COL25A1: variants seen among roughly 807,000 people sequenced by gnomAD.
The protein encoded by COL25A1 is collagen type XXV alpha 1 chain.
In COL25A1, 103 loss-of-function variants were observed where a neutral mutation model predicts 128.4. That is an observed-to-expected ratio of 0.80 (90% confidence interval 0.68 to 0.94). The LOEUF is 0.94. COL25A1 is among the 40% of genes least tolerant of loss of function. COL25A1 has a pLI of 0.00. For missense variants in COL25A1, 745 were observed against 840.0 expected, an observed-to-expected ratio of 0.89 and a Z score of 1.40; for synonymous variants, 279 against 277.2, an observed-to-expected ratio of 1.01 and a Z score of -0.06.
chr4:109,293,971 T>C (rs1724720813), intron 3 of COL25A1, among the ~76,000 whole-genome samples: 1 of 152,156 alleles, frequency 6.6e-6, no homozygotes, highest in Admixed American at 6.6e-5. Flanking sequence ...TTAAACTTCA[T>C]ATCTGTGAAT....
chr4:109,087,363 C>A (rs1017164661), intron 3 of COL25A1, among the ~76,000 whole-genome samples: 1 of 152,120 alleles, frequency 6.6e-6, no homozygotes, highest in Non-Finnish European at 1.5e-5. Context: ...ACCTAAAACA[C>A]AGAAATTTAA....
chr4:109,203,464 A>C (rs1480931163), intron 3 of COL25A1, among the ~76,000 whole-genome samples: 1 of 152,052 alleles, frequency 6.6e-6, no homozygotes, highest in Non-Finnish European at 1.5e-5. Context: ...AAGAAGAAGA[A>C]ATGGGACCCA....
intron 11 of COL25A1, among the ~76,000 whole-genome samples, chr4:108,935,337 G>C (rs1013397699): frequency 6.6e-6 from 1 of 152,062 alleles, no homozygotes; most frequent in African/African-American, 2.4e-5. Context: ...GGTAAAGAAG[G>C]GTTTAAGATA....
At chr4:109,220,434 T>C (rs1778329115) in intron 3 of COL25A1, among the ~76,000 whole-genome samples, 3 of 152,192 alleles carry the variant, frequency 2.0e-5, no homozygotes, top group Admixed American at 6.5e-5. Flanking sequence ...ACACAAAGAC[T>C]ATCCAAAAGG....
intron 3 of COL25A1, among the ~76,000 whole-genome samples, chr4:109,111,350 C>T (rs932419803): frequency 2.6e-5 from 4 of 152,180 alleles, no homozygotes; most frequent in Admixed American, 2.0e-4. Flanking sequence ...ACTGGAAGTG[C>T]TAATATATCC....
At chr4:109,048,453 T>C (rs968964546) in intron 4 of COL25A1, among the ~76,000 whole-genome samples, 8 of 152,194 alleles carry the variant, frequency 5.3e-5, no homozygotes, top group Non-Finnish European at 1.2e-4. Context: ...TTCATATATC[T>C]TAAGTAAAGA....
At chr4:109,016,180 C>G (rs1396311658) in intron 5 of COL25A1, among the ~76,000 whole-genome samples, 2 of 152,240 alleles carry the variant, frequency 1.3e-5, no homozygotes, top group African/African-American at 4.8e-5. Flanking sequence ...CTCCTAGTGT[C>G]TGCTCCAGGG....
intron 3 of COL25A1, among the ~76,000 whole-genome samples, chr4:109,141,491 A>G (rs1578269467): frequency 6.6e-6 from 1 of 152,174 alleles, no homozygotes; most frequent in African/African-American, 2.4e-5. Flanking sequence ...GTTGTTTAGA[A>G]TAGCTTCAGA....
chr4:108,990,839 C>T (rs369669703), intron 6 of COL25A1, among the ~76,000 whole-genome samples: 27 of 152,148 alleles, frequency 1.8e-4, no homozygotes, highest in African/African-American at 6.3e-4. Flanking sequence ...AAAAAGTTAA[C>T]TTGTCCAAAG....
At chr4:108,814,374 G>A (rs535878200) in intron 37 of COL25A1, among the ~76,000 whole-genome samples, 198 of 152,252 alleles carry the variant, frequency 1.3e-3, no homozygotes, top group African/African-American at 4.0e-3. Context: ...TGTTGTTTAC[G>A]TCACCAACAC....
intron 5 of COL25A1, among the ~76,000 whole-genome samples, chr4:109,026,035 C>A (rs569734715): frequency 2.5e-4 from 37 of 150,684 alleles, no homozygotes; most frequent in African/African-American, 8.8e-4. Context: ...CATTCTTAGC[C>A]CTCTTAGGAA....
At chr4:108,863,244 T>A in intron 21 of COL25A1, 75 bp downstream of exon 21, 2 of 1,394,310 alleles carry the variant, frequency 1.4e-6, no homozygotes, top group East Asian at 2.3e-5. Context: ...CTGTTAAGAA[T>A]GTTGTTTTAG....
At chr4:109,266,472 G>C (rs1212790320) in intron 3 of COL25A1, among the ~76,000 whole-genome samples, 2 of 152,046 alleles carry the variant, frequency 1.3e-5, no homozygotes, top group Non-Finnish European at 2.9e-5. Context: ...TGTTCTAAAG[G>C]CTCCATTGAC....
At chr4:109,165,205 T>G (rs1266941075) in intron 3 of COL25A1, among the ~76,000 whole-genome samples, 2 of 152,078 alleles carry the variant, frequency 1.3e-5, no homozygotes, top group Non-Finnish European at 2.9e-5. Flanking sequence ...CGATTTAAAT[T>G]TTTTTTAAGT....
chr4:109,197,830 T>G (rs1357796417), intron 3 of COL25A1, among the ~76,000 whole-genome samples: 1 of 151,962 alleles, frequency 6.6e-6, no homozygotes, highest in Non-Finnish European at 1.5e-5. Flanking sequence ...GAATAAGTTA[T>G]TCATCCTCTC....
intron 4 of COL25A1, among the ~76,000 whole-genome samples, chr4:109,048,680 C>A (rs1412360048): frequency 6.6e-6 from 1 of 152,064 alleles, no homozygotes; most frequent in African/African-American, 2.4e-5. Flanking sequence ...TTAAAACCAT[C>A]AAAACAGGCA....
intron 6 of COL25A1, among the ~76,000 whole-genome samples, chr4:108,976,074 A>C (rs146641210): frequency 0.01 from 1,592 of 152,200 alleles, 45 homozygotes; most frequent in Admixed American, 0.053. Flanking sequence ...TCAATTTAAC[A>C]TTTTTTATTC....
intron 29 of COL25A1, 67 bp from the exon 30 acceptor site, chr4:108,844,636 T>G: frequency 6.4e-7 from 1 of 1,564,284 alleles, no homozygotes; most frequent in African/African-American, 1.4e-5. Context: ...AACTTGAATC[T>G]TGTGCTGGGG....
intron 3 of COL25A1, among the ~76,000 whole-genome samples, chr4:109,177,584 T>C (rs1158554391): frequency 1.3e-5 from 2 of 152,140 alleles, no homozygotes; most frequent in African/African-American, 4.8e-5. Context: ...ATACAGCCTA[T>C]ACTCTTCCCA....
Sources: gnomAD v4.1 joint callset for allele counts (sites outside exome capture counted in the v4.1 genomes callset) on GRCh38, gnomAD v4.1.1 for gene constraint, MANE v1.5 for transcripts, NCBI Gene and HGNC (gene_info 2026-07-23, HGNC 2026-07-21) for gene names.